The following HTR1D variants were observed in gnomAD, a reference collection of about 807,000 sequenced individuals.
HTR1D encodes 5-HT-1D.
HTR1D carries 18 observed loss-of-function variants against 21.1 expected under a neutral mutation model. The ratio of observed to expected loss-of-function variants is 0.85; its 90% CI spans 0.59 to 1.27. The LOEUF (loss-of-function observed/expected upper bound fraction) is 1.27, where lower values mean the gene tolerates loss of function less well. HTR1D is among the 50% of genes most tolerant of loss of function. The pLI is 0.00. For missense variants in HTR1D, 456 were observed against 481.4 expected (o/e 0.95, Z 0.49); for synonymous variants, 196 against 204.4 (o/e 0.96, Z 0.35).
chr1:23,193,639 T>G lies in HTR1D; in HGVS notation c.581A>C (p.Gln194Pro). The G allele has an allele frequency of 6.2e-7, 1 of 1,613,884 alleles. No homozygotes were observed. Among genetic ancestry groups the G allele is most frequent in the African/African-American group, 1.3e-5 (1 of 75,044 alleles). Residue 194 changes from glutamine to proline, a missense_variant, in exon 2 of 2, where the codon CAG becomes CCG. Coordinates refer to ENST00000374619, the MANE Select transcript of HTR1D (RefSeq NM_000864.5). The stretch of plus-strand genomic sequence containing the variant: ...GGTGGAGTAGATGGTGTAGGAGATC[T>G]GAGAGGTGTTCACCAGACAGTCCGA... Reference protein sequence around the residue: ...EMSDCLVNTSQISYTIYSTCG... With the variant: ...EMSDCLVNTSPISYTIYSTCG...
rs9282707 is a variant in HTR1D, at chr1:23,195,379, T to TG, written c.-782-379dup. ...TTACAATGTATTTCTCTACAAAGTA[T>TG]GGGGGGGGGTGGCCCTTTTTCTACT... On this transcript the variant is annotated intron_variant, in intron 1 of 1. Transcript: ENST00000374619. Among the ~76,000 whole-genome samples the TG allele has an allele frequency of 8.6e-3, 1,300 of 150,882 alleles. 16 individuals carry two copies. The highest frequency in any genetic ancestry group is 0.023 in the African/African-American group (945 of 41,234).
At chr1:23,201,572 C>G (rs557939976) in intron 1 of HTR1D, among the ~76,000 whole-genome samples, 2 of 152,240 alleles carry the variant, frequency 1.3e-5, no homozygotes, top group East Asian at 3.9e-4. Context: ...TTTTAAGAGG[C>G]AGGGACTTCC....
chr1:23,216,850 C>T (rs945826869), intron 1 of HTR1D, among the ~76,000 whole-genome samples: 1 of 152,138 alleles, frequency 6.6e-6, no homozygotes, highest in Non-Finnish European at 1.5e-5. Context: ...CACACCGGAC[C>T]CCCTTCAACT....
intron 1 of HTR1D, among the ~76,000 whole-genome samples, chr1:23,205,533 T>C (rs555069081): frequency 6.6e-6 from 1 of 152,292 alleles, no homozygotes; most frequent in African/African-American, 2.4e-5. Flanking sequence ...GTCCCTTCAT[T>C]CATTAAGTGT....
chr1:23,199,852 C>T (rs1644703503), intron 1 of HTR1D, among the ~76,000 whole-genome samples: 1 of 151,962 alleles, frequency 6.6e-6, no homozygotes, highest in African/African-American at 2.4e-5. Flanking sequence ...ACTACAAGCA[C>T]GTACCACCAT....
chr1:23,194,293 C>A lies in HTR1D; in HGVS notation c.-74G>T. On this transcript the variant is annotated 5_prime_UTR_variant, in exon 2 of 2. Coordinates refer to ENST00000374619, the MANE Select transcript of HTR1D (RefSeq NM_000864.5). Reference sequence around the variant, plus strand: ...CTTCAAGGTTGTCCTGACAACAGAGCAAAGTCATCCTTCTGCTTCACACTG... The same window carrying A: ...CTTCAAGGTTGTCCTGACAACAGAGAAAAGTCATCCTTCTGCTTCACACTG... The A allele has an allele frequency of 2.9e-6, 4 of 1,374,896 alleles. No individual in the cohort carries two copies. Among genetic ancestry groups the A allele is most frequent in the South Asian group, 2.7e-5 (2 of 74,078 alleles). 85.2% of individuals were successfully genotyped at this position (1,374,896 alleles called of 1,614,324 possible). A position where few individuals can be genotyped will look rare whatever the true frequency, so the allele number is the denominator to read the frequency against.
Position 23,192,998 on chromosome 1 carries a change from A to G in HTR1D, c.*88T>C. On this transcript the variant is annotated 3_prime_UTR_variant, in exon 2 of 2. Coordinates refer to ENST00000374619, the MANE Select transcript of HTR1D (RefSeq NM_000864.5). ...GACTCAAGATACCATGAATTAATCC[A>G]AGTCTCAGAAAATAATTAAAAAAAA... 1 of 793,768 alleles carries G rather than the reference A, an allele frequency of 1.3e-6. No homozygotes were observed. The allele number at this position is 793,768 out of a possible 1,614,324, so 49.2% of individuals were successfully genotyped here. A position where few individuals can be genotyped will look rare whatever the true frequency, so the allele number is the denominator to read the frequency against.
At position 23,217,212 on chromosome 1, in the gene HTR1D, G is replaced by A. The variant is rs1557731293; in HGVS notation, c.-783+79C>T. ...GACGCCCCGGGCCCCCGAGGCCCCA[G>A]GAGGGGCGCCGCTCCCGGCCTCAGT... On this transcript the variant is annotated intron_variant, in intron 1 of 1. Transcript: ENST00000374619. The surrounding 1 kb of genome is among the most constrained non-coding windows in gnomAD (Gnocchi z 4.6). 1.3e-5 allele frequency among the ~76,000 whole-genome samples: 2 copies of A among 151,456 alleles called. No individual in the cohort carries two copies. Among genetic ancestry groups the A allele is most frequent in the South Asian group, 4.2e-4 (2 of 4,804 alleles).
In HTR1D at chr1:23,193,705, G is replaced by T. The variant is rs932833096; in HGVS notation, c.515C>A (p.Pro172His). Reference sequence around the variant, plus strand: ...CTTGGCCTGCCGCCAGAAGAGCGGGGGGATGGAGATGCAGATGGAGATGGC... The same window carrying T: ...CTTGGCCTGCCGCCAGAAGAGCGGGTGGATGGAGATGCAGATGGAGATGGC... ...VWAISICISI[P>H]PLFWRQAKAQ... is the part of the protein sequence containing the mutation. Residue 172 changes from proline to histidine, a missense_variant, in exon 2 of 2, where the codon CCC (proline) becomes CAC (histidine). Transcript: ENST00000374619. 16 of 1,613,986 alleles carry T rather than the reference G, an allele frequency of 9.9e-6. No individual in the cohort carries two copies. Among genetic ancestry groups the T allele is most frequent in the Non-Finnish European group, 1.4e-5 (16 of 1,180,002 alleles).
intron 1 of HTR1D, among the ~76,000 whole-genome samples, chr1:23,205,696 A>G (rs1644727398): frequency 6.6e-6 from 1 of 152,098 alleles, no homozygotes; most frequent in Non-Finnish European, 1.5e-5. Context: ...GGCATGCGCC[A>G]CCAGGTCCAG....
At chr1:23,196,304 C>T (rs188007440) in intron 1 of HTR1D, among the ~76,000 whole-genome samples, 24 of 152,040 alleles carry the variant, frequency 1.6e-4, no homozygotes, top group Non-Finnish European at 2.5e-4. Flanking sequence ...ATTAGCCATG[C>T]GTGGTGGTGC....
intron 1 of HTR1D, among the ~76,000 whole-genome samples, chr1:23,208,997 C>CT (rs202088436): frequency 0.14 from 18,160 of 133,632 alleles, 1,558 homozygotes; most frequent in African/African-American, 0.23. Flanking sequence ...AAAATTTTCA[C>CT]TTTTTTTTTT....
chr1:23,199,476 A>AC (rs1644702074), intron 1 of HTR1D, among the ~76,000 whole-genome samples: 2 of 109,036 alleles, frequency 1.8e-5, no homozygotes, highest in Non-Finnish European at 1.7e-5. Context: ...TTGCTCTGTC[A>AC]CCCAGATATA....
chr1:23,209,406 C>T (rs1644744771), intron 1 of HTR1D, among the ~76,000 whole-genome samples: 1 of 151,336 alleles, frequency 6.6e-6, no homozygotes, highest in African/African-American at 2.4e-5. Context: ...CTAGCAGTGG[C>T]TCTCAGTACA....
Position 23,193,725 on chromosome 1 carries a change from G to A in HTR1D, c.495C>T (p.Ile165=), listed in dbSNP as rs143876137. 4.5e-5 allele frequency: 73 copies of A among 1,614,154 alleles called. No individual in the cohort carries two copies. In the African/African-American group the frequency reaches 7.2e-4, roughly 16 times the overall value. The part of the protein sequence containing the change: ...AATMIAIVWA[I]SICISIPPLF... ...GCGGGGGGATGGAGATGCAGATGGAGATGGCCCAGACAATGGCGATCATGG... is the reference window on the plus strand; with the variant it reads ...GCGGGGGGATGGAGATGCAGATGGAAATGGCCCAGACAATGGCGATCATGG... Residue 165 remains isoleucine, a synonymous_variant, in exon 2 of 2, where the codon ATC becomes ATT. Coordinates refer to ENST00000374619, the MANE Select transcript of HTR1D (RefSeq NM_000864.5).
intron 1 of HTR1D, among the ~76,000 whole-genome samples, chr1:23,209,932 T>C (rs1200614353): frequency 2.0e-5 from 3 of 152,280 alleles, no homozygotes; most frequent in South Asian, 2.1e-4. Flanking sequence ...GCAGGCCCTC[T>C]CTCTGACAGG....
intron 1 of HTR1D, among the ~76,000 whole-genome samples, chr1:23,213,350 T>G (rs1341893612): frequency 6.6e-6 from 1 of 152,102 alleles, no homozygotes; most frequent in African/African-American, 2.4e-5. Flanking sequence ...CGTGGTGGTG[T>G]GCGCCTATAG....
intron 1 of HTR1D, among the ~76,000 whole-genome samples, chr1:23,198,699 A>G (rs1176867007): frequency 6.6e-6 from 1 of 152,236 alleles, no homozygotes; most frequent in Non-Finnish European, 1.5e-5. Flanking sequence ...ACAGCTACAC[A>G]TACCAAAATG....
intron 1 of HTR1D, among the ~76,000 whole-genome samples, chr1:23,209,673 A>G (rs1644745837): frequency 1.3e-5 from 2 of 152,118 alleles, no homozygotes; most frequent in African/African-American, 2.4e-5. Flanking sequence ...TATTATTATT[A>G]TCAATTATTC....
Sources: allele counts gnomAD v4.1 joint callset (sites outside exome capture counted in the v4.1 genomes callset), GRCh38; gene constraint gnomAD v4.1.1; non-coding constraint Gnocchi (gnomAD v3.1); transcripts MANE v1.5; gene names NCBI Gene and HGNC (gene_info 2026-07-23, HGNC 2026-07-21).